LGSN: variants seen among roughly 807,000 people sequenced by gnomAD.
LGSN encodes the protein lengsin.
A neutral mutation model predicts 19.5 loss-of-function variants in LGSN; 21 were observed. The ratio of observed to expected loss-of-function variants is 1.07; its 90% CI spans 0.76 to 1.55. The LOEUF is 1.55. Among genes scored for constraint, LGSN ranks in the 40% most tolerant of loss-of-function variants. The pLI, the probability that LGSN is intolerant of heterozygous loss-of-function variation, is 0.00. For synonymous variants in LGSN, 257 were observed against 215.6 expected, an observed-to-expected ratio of 1.19 and a Z score of -1.68; for missense variants, 673 against 608.5, an observed-to-expected ratio of 1.11 and a Z score of -1.12.
the LGSN span, among the ~76,000 whole-genome samples, chr6:63,381,500 T>C: frequency 6.6e-6 from 1 of 152,200 alleles, no homozygotes; most frequent in Non-Finnish European, 1.5e-5. Context: ...AATAACTTCT[T>C]ATGAAAAGTA....
At chr6:63,308,747 C>T (rs1337644862) in intron 1 of LGSN, among the ~76,000 whole-genome samples, 1 of 152,120 alleles carries the variant, frequency 6.6e-6, no homozygotes, top group Non-Finnish European at 1.5e-5. Flanking sequence ...ATCAAAATTT[C>T]ATCAAGTTTT....
the LGSN span, among the ~76,000 whole-genome samples, chr6:63,388,249 T>C: frequency 6.6e-6 from 1 of 152,100 alleles, no homozygotes; most frequent in Non-Finnish European, 1.5e-5. Flanking sequence ...TGGTGAATTA[T>C]GAAGATAAGG....
At position 63,281,002 on chromosome 6, in the gene LGSN, G is replaced by A. The variant is rs1286825802; in HGVS notation, c.549C>T (p.Ser183=). 6.2e-6 allele frequency: 10 copies of A among 1,614,078 alleles called. No homozygotes were observed. Among genetic ancestry groups the A allele is most frequent in the Non-Finnish European group, 8.5e-6 (10 of 1,180,022 alleles). ...GCTGCCTCTTTGCAATGTACCTTGG[G>A]GAAGTCAAAAGAGGCTCACCAGTCA... The part of the protein sequence containing the change: ...FTVTGEPLLT[S]PRYIAKRQLS... The change falls in exon 4 of 4, where the codon TCC becomes TCT. Residue 183 remains serine, a synonymous_variant. Coordinates refer to ENST00000370657, the MANE Select transcript of LGSN (RefSeq NM_016571.3).
chr6:63,293,910 CTT>C (rs1767872054), intron 2 of LGSN: 2 of 380,522 alleles, frequency 5.3e-6, no homozygotes, highest in African/African-American at 2.1e-5. Context: ...TCAACTGTCT[CTT>C]AATATAATAT....
chr6:63,510,452 CTT>C, the LGSN span, among the ~76,000 whole-genome samples: 311 of 124,228 alleles, frequency 2.5e-3, no homozygotes, highest in Admixed American at 3.4e-3. Flanking sequence ...GACTACCTTT[CTT>C]TTTTTTTTTT....
At chr6:63,537,468 G>A in the LGSN span, among the ~76,000 whole-genome samples, 3 of 152,160 alleles carry the variant, frequency 2.0e-5, no homozygotes, top group Admixed American at 6.5e-5. Context: ...TGGAAACAGG[G>A]TTTTGGCATC....
At chr6:63,353,495 A>C in the LGSN span, among the ~76,000 whole-genome samples, 1 of 150,794 alleles carries the variant, frequency 6.6e-6, no homozygotes, top group Non-Finnish European at 1.5e-5. Flanking sequence ...CGTAAGGTGA[A>C]GTTTTCTACT....
At chr6:63,445,415 C>T in the LGSN span, among the ~76,000 whole-genome samples, 2 of 151,956 alleles carry the variant, frequency 1.3e-5, no homozygotes, top group Non-Finnish European at 2.9e-5. Context: ...GTCAGGAGCT[C>T]GCGACCAGCC....
the LGSN span, among the ~76,000 whole-genome samples, chr6:63,344,118 TAAA>T: frequency 6.6e-6 from 1 of 152,124 alleles, no homozygotes; most frequent in African/African-American, 2.4e-5. Context: ...TGTAAGACCC[TAAA>T]AGAAGAAAAC....
the LGSN span, among the ~76,000 whole-genome samples, chr6:63,477,687 C>CTTTTTTTTTTTTTTT: frequency 2.7e-3 from 165 of 61,056 alleles, 6 homozygotes; most frequent in South Asian, 4.2e-3. Flanking sequence ...TTCTTTTTTT[C>CTTTTTTTTTTTTTTT]TTTTTTTTTT....
the LGSN span, among the ~76,000 whole-genome samples, chr6:63,359,757 A>T: frequency 6.6e-6 from 1 of 151,934 alleles, no homozygotes; most frequent in Non-Finnish European, 1.5e-5. Flanking sequence ...GTGGTCTATC[A>T]ATTTTGTTGA....
the LGSN span, among the ~76,000 whole-genome samples, chr6:63,479,664 C>T: frequency 1.3e-5 from 2 of 152,004 alleles, no homozygotes; most frequent in Admixed American, 6.6e-5. Flanking sequence ...GGCATGAACC[C>T]GGGAGATGGA....
the LGSN span, among the ~76,000 whole-genome samples, chr6:63,449,991 G>C: frequency 5.9e-4 from 90 of 152,182 alleles, no homozygotes; most frequent in African/African-American, 2.1e-3. Flanking sequence ...GTGAGAGAGA[G>C]AGTCTGAGAA....
Position 63,277,229 on chromosome 6 carries a change from C to T in LGSN, c.*2792G>A, listed in dbSNP as rs1360336043. ...TATCAGACTTTTTACAGCATCTTTA[C>T]TCATTATGGTAAAATGAAGTCAATG... On this transcript the variant is annotated 3_prime_UTR_variant, in exon 4 of 4. Coordinates refer to ENST00000370657, the MANE Select transcript of LGSN (RefSeq NM_016571.3). 2.0e-5 allele frequency: 3 copies of T among 152,176 alleles called. No individual in the cohort carries two copies. Among genetic ancestry groups the T allele is most frequent in the African/African-American group, 7.2e-5 (3 of 41,416 alleles). 9.4% of individuals were successfully genotyped at this position (152,176 alleles called of 1,614,324 possible).
the LGSN span, among the ~76,000 whole-genome samples, chr6:63,358,756 T>C: frequency 2.0e-5 from 3 of 152,234 alleles, no homozygotes; most frequent in Non-Finnish European, 4.4e-5. Context: ...GTTTTCTAAA[T>C]ATACAATTAT....
the LGSN span, among the ~76,000 whole-genome samples, chr6:63,422,540 G>GT: frequency 6.6e-6 from 1 of 151,940 alleles, no homozygotes; most frequent in South Asian, 2.1e-4. Context: ...AATAAATTCT[G>GT]TTAAAAAAAG....
chr6:63,531,857 T>G, the LGSN span, among the ~76,000 whole-genome samples: 1 of 151,812 alleles, frequency 6.6e-6, no homozygotes, highest in East Asian at 1.9e-4. Flanking sequence ...AGACAGAGTC[T>G]TGCTCTATCA....
the LGSN span, among the ~76,000 whole-genome samples, chr6:63,359,873 C>T: frequency 6.6e-6 from 1 of 152,028 alleles, no homozygotes. Context: ...GACAAAATCT[C>T]TCAGCATTTG....
chr6:63,307,645 G>A (rs1474902111), intron 1 of LGSN, among the ~76,000 whole-genome samples: 2 of 152,158 alleles, frequency 1.3e-5, no homozygotes, highest in African/African-American at 2.4e-5. Context: ...GCTCTCCCTG[G>A]TGGCACCATT....
Sources: gnomAD v4.1 joint callset for allele counts (sites outside exome capture counted in the v4.1 genomes callset) on GRCh38, gnomAD v4.1.1 for gene constraint, MANE v1.5 for transcripts, NCBI Gene and HGNC (gene_info 2026-07-23, HGNC 2026-07-21) for gene names.